Variants in CSMD1 observed in about 807,000 individuals in gnomAD.
The protein encoded by CSMD1 is CUB and sushi domain-containing protein 1.
CSMD1 carries 213 observed loss-of-function variants against 417.5 expected under a neutral mutation model. The ratio of observed to expected loss-of-function variants is 0.51; its 90% CI spans 0.46 to 0.57. The LOEUF is 0.57. CSMD1 is among the 20% of genes least tolerant of loss of function. The probability of loss-of-function intolerance (pLI) is 0.00; values close to 1 mark genes in which losing one functional copy is unlikely to be tolerated. For synonymous variants in CSMD1, 2,862 were observed against 1,736.8 expected (o/e 1.65, Z -16.11); for missense variants, 6,923 against 4,529.7 (o/e 1.53, Z -15.17).
intron 11 of CSMD1, among the ~76,000 whole-genome samples, chr8:3,477,505 G>A (rs1817500282): frequency 6.6e-6 from 1 of 152,214 alleles, no homozygotes; most frequent in Non-Finnish European, 1.5e-5. Context: ...ATAAGGATAA[G>A]TAAAGACAAG....
chr8:3,955,639 C>T (rs111493201), intron 5 of CSMD1, among the ~76,000 whole-genome samples: 33 of 152,228 alleles, frequency 2.2e-4, no homozygotes, highest in African/African-American at 7.9e-4. Context: ...AAATACCTCA[C>T]TACTTCCTCT....
intron 12 of CSMD1, among the ~76,000 whole-genome samples, chr8:3,446,024 G>A (rs1815282595): frequency 6.6e-6 from 1 of 152,144 alleles, no homozygotes; most frequent in Non-Finnish European, 1.5e-5. Flanking sequence ...ACTGTCCCGG[G>A]CCCGGATTGA....
At chr8:4,789,604 TC>T (rs1563390347) in intron 1 of CSMD1, among the ~76,000 whole-genome samples, 1 of 152,172 alleles carries the variant, frequency 6.6e-6, no homozygotes, top group Non-Finnish European at 1.5e-5. Context: ...ACTGTTTTTC[TC>T]ACTCCAGTGT....
At chr8:3,218,373 A>T (rs191820348) in intron 29 of CSMD1, among the ~76,000 whole-genome samples, 2 of 151,654 alleles carry the variant, frequency 1.3e-5, no homozygotes, top group Non-Finnish European at 2.9e-5. Flanking sequence ...CATCCTGGCT[A>T]ACACTGTGAA....
intron 26 of CSMD1, among the ~76,000 whole-genome samples, chr8:3,246,395 C>G (rs1344991497): frequency 1.3e-5 from 2 of 152,184 alleles, no homozygotes; most frequent in Non-Finnish European, 2.9e-5. Context: ...CTCCAGGAAG[C>G]CAGTTCCTCA....
At chr8:4,311,500 A>G (rs887959602) in intron 3 of CSMD1, among the ~76,000 whole-genome samples, 2 of 152,152 alleles carry the variant, frequency 1.3e-5, no homozygotes, top group African/African-American at 4.8e-5. Flanking sequence ...AGTTGGGCAG[A>G]TCACCTGAGA....
At chr8:4,822,277 C>G (rs1056099369) in intron 1 of CSMD1, among the ~76,000 whole-genome samples, 3 of 152,132 alleles carry the variant, frequency 2.0e-5, no homozygotes, top group African/African-American at 7.2e-5. Context: ...ATGGGTCTTG[C>G]TGTCTTAGGA....
At chr8:3,261,110 G>T (rs1315304505) in intron 26 of CSMD1, among the ~76,000 whole-genome samples, 1 of 152,132 alleles carries the variant, frequency 6.6e-6, no homozygotes, top group African/African-American at 2.4e-5. Context: ...TAAATGCAGA[G>T]ATATCACTGC....
At chr8:4,466,804 A>G (rs570225650) in intron 2 of CSMD1, among the ~76,000 whole-genome samples, 5 of 152,298 alleles carry the variant, frequency 3.3e-5, no homozygotes, top group African/African-American at 1.2e-4. Flanking sequence ...ATAGAAAAAT[A>G]ACAAGCCATT....
intron 3 of CSMD1, among the ~76,000 whole-genome samples, chr8:4,199,014 C>T (rs542251396): frequency 5.3e-4 from 80 of 152,180 alleles, no homozygotes; most frequent in Middle Eastern, 3.4e-3. Flanking sequence ...GCAAAGTTCA[C>T]TTTCAATCCC....
chr8:4,412,979 T>C (rs1238110239), intron 3 of CSMD1, among the ~76,000 whole-genome samples: 1 of 152,238 alleles, frequency 6.6e-6, no homozygotes, highest in African/African-American at 2.4e-5. Context: ...AAGCCATCTT[T>C]ATCTTTTCAG....
chr8:4,127,518 C>G (rs1007624054), intron 3 of CSMD1, among the ~76,000 whole-genome samples: 3 of 151,584 alleles, frequency 2.0e-5, no homozygotes, highest in African/African-American at 7.3e-5. Flanking sequence ...AGACTTCTCC[C>G]TCCACCAGAA....
At chr8:4,333,694 G>A (rs1483659754) in intron 3 of CSMD1, among the ~76,000 whole-genome samples, 1 of 152,118 alleles carries the variant, frequency 6.6e-6, no homozygotes, top group Non-Finnish European at 1.5e-5. Flanking sequence ...ACCATTTAAT[G>A]AGAAAGAGTT....
chr8:3,991,250 C>T (rs1814724584), intron 5 of CSMD1, among the ~76,000 whole-genome samples: 1 of 152,174 alleles, frequency 6.6e-6, no homozygotes, highest in African/African-American at 2.4e-5. Flanking sequence ...ATTATCCGTA[C>T]AGTAGAATTA....
At chr8:3,022,244 G>A (rs1273771856) in intron 51 of CSMD1, among the ~76,000 whole-genome samples, 1 of 147,222 alleles carries the variant, frequency 6.8e-6, no homozygotes, top group African/African-American at 2.5e-5. Flanking sequence ...CAATCCCACA[G>A]CATCTGGAAT....
intron 1 of CSMD1, among the ~76,000 whole-genome samples, chr8:4,795,764 G>C (rs186727994): frequency 3.2e-3 from 485 of 152,156 alleles, no homozygotes; most frequent in Non-Finnish European, 5.2e-3. Context: ...CTCCGTACCT[G>C]TGCACGCCTT....
intron 1 of CSMD1, among the ~76,000 whole-genome samples, chr8:4,921,059 G>GAAAAGAAAGAGAAAGA (rs1806461580): frequency 7.8e-6 from 1 of 127,834 alleles, no homozygotes; most frequent in East Asian, 2.1e-4. Context: ...AAAAGAGAAA[G>GAAAAGAAAGAGAAAGA]AAAAGAAAGA....
intron 3 of CSMD1, among the ~76,000 whole-genome samples, chr8:4,105,787 G>C (rs138420058): frequency 6.6e-6 from 1 of 152,256 alleles, no homozygotes; most frequent in Non-Finnish European, 1.5e-5. Context: ...CCTCTACAGC[G>C]TTGAAAAGTG....
rs17069379 is a variant in CSMD1, at chr8:4,199,873, A to T, written c.416-167774T>A. ...TCCTTTACAAGGGCTTACCATGACAATATTTTTAGGCCCTTAGTGGAAGAC... is the reference window on the plus strand; with the variant it reads ...TCCTTTACAAGGGCTTACCATGACATTATTTTTAGGCCCTTAGTGGAAGAC... On this transcript the variant is annotated intron_variant, in intron 3 of 69. Transcript: ENST00000635120. Among the ~76,000 whole-genome samples the T allele has an allele frequency of 8.5e-5, 13 of 152,120 alleles. 1 individual carries two copies. The South Asian group carries it at 2.7e-3, about 32-fold the overall frequency.
Sources: allele counts gnomAD v4.1 joint callset (sites outside exome capture counted in the v4.1 genomes callset), GRCh38; gene constraint gnomAD v4.1.1; transcripts MANE v1.5; gene names NCBI Gene and HGNC (gene_info 2026-07-23, HGNC 2026-07-21).